Variants in CLIC5 observed in about 807,000 individuals in gnomAD.
CLIC5 encodes the protein CLIC family member 5.
Under a neutral mutation model 24.7 loss-of-function variants are expected in CLIC5, and 20 were observed. The observed-to-expected ratio is 0.81, with a 90% confidence interval of 0.57 to 1.18. The LOEUF (loss-of-function observed/expected upper bound fraction) is 1.18, where lower values mean the gene tolerates loss of function less well. Among genes scored for constraint, CLIC5 ranks in the 50% most tolerant of loss-of-function variants. The pLI, the probability that CLIC5 is intolerant of heterozygous loss-of-function variation, is 0.00. For synonymous variants in CLIC5, 159 were observed against 135.6 expected, an observed-to-expected ratio of 1.17 and a Z score of -1.20; for missense variants, 341 against 326.1, an observed-to-expected ratio of 1.05 and a Z score of -0.35.
chr6:46,104,223 A>C, the CLIC5 span, among the ~76,000 whole-genome samples: 2 of 152,324 alleles, frequency 1.3e-5, no homozygotes, highest in Admixed American at 1.3e-4. Flanking sequence ...TCTGTCAGAA[A>C]GATGGGTACT....
intron 1 of CLIC5, among the ~76,000 whole-genome samples, chr6:45,962,787 C>A (rs1043350092): frequency 6.6e-6 from 1 of 152,214 alleles, no homozygotes; most frequent in Non-Finnish European, 1.5e-5. Flanking sequence ...TCCAGTGGTG[C>A]CTTTGATGCA....
In CLIC5 at chr6:45,999,732, G is replaced by GTTTTTTTTTTTTT. The variant is rs1201850451; in HGVS notation, c.63+15735_63+15747dup. ...GTAAATCTATTTTCTCTTCCTTGTG[G>GTTTTTTTTTTTTT]TTTTTTTTTTTTTTTTTTTTTTTTG... On this transcript the variant is annotated intron_variant, in intron 1 of 5. Coordinates refer to ENST00000339561, the MANE Select transcript of CLIC5 (RefSeq NM_016929.5). Among the ~76,000 whole-genome samples, 10 of 50,848 alleles carry GTTTTTTTTTTTTT rather than the reference G, an allele frequency of 2.0e-4. 1 individual carries two copies. Among genetic ancestry groups the GTTTTTTTTTTTTT allele is most frequent in the African/African-American group, 8.6e-4 (9 of 10,450 alleles). The allele number at this position is 50,848 out of a possible 152,430, so 33.4% of individuals were successfully genotyped here. A position where few individuals can be genotyped will look rare whatever the true frequency, so the allele number is the denominator to read the frequency against.
At chr6:46,114,712 T>TAAA in the CLIC5 span, among the ~76,000 whole-genome samples, 3 of 152,136 alleles carry the variant, frequency 2.0e-5, no homozygotes, top group Non-Finnish European at 4.4e-5. Flanking sequence ...TATGAGAAAA[T>TAAA]AAATTGCTAT....
At chr6:46,109,105 A>G in the CLIC5 span, among the ~76,000 whole-genome samples, 2 of 152,186 alleles carry the variant, frequency 1.3e-5, no homozygotes, top group Admixed American at 6.5e-5. Context: ...AAATTGTTGT[A>G]TGCCACTGGA....
the CLIC5 span, among the ~76,000 whole-genome samples, chr6:46,106,829 G>A: frequency 7.4e-3 from 1,133 of 152,186 alleles, 13 homozygotes; most frequent in African/African-American, 0.025. Context: ...ACTCAGTGAG[G>A]GCTTTACCTA....
At chr6:45,984,649 T>G (rs1164356091) in intron 1 of CLIC5, among the ~76,000 whole-genome samples, 2 of 152,174 alleles carry the variant, frequency 1.3e-5, no homozygotes, top group African/African-American at 4.8e-5. Flanking sequence ...GGCAAGGCTT[T>G]CATGGTCTTC....
chr6:46,027,677 C>G (rs1404334287), intron 1 of CLIC5, among the ~76,000 whole-genome samples: 1 of 152,084 alleles, frequency 6.6e-6, no homozygotes, highest in African/African-American at 2.4e-5. Flanking sequence ...AATTAAATGC[C>G]TTTGCAAAAG....
chr6:46,057,310 G>A (rs1768286476), intron 1 of CLIC5, among the ~76,000 whole-genome samples: 1 of 152,200 alleles, frequency 6.6e-6, no homozygotes, highest in Admixed American at 6.5e-5. Context: ...CACAAAATCT[G>A]ATGGGTTTAT....
At chr6:45,911,901 C>G (rs1182749306) in intron 5 of CLIC5, 1 of 985,394 alleles carries the variant, frequency 1.0e-6, no homozygotes, top group Non-Finnish European at 1.2e-6. Flanking sequence ...GAGATGAGAA[C>G]TAGGAGGGGG....
intron 5 of CLIC5, among the ~76,000 whole-genome samples, chr6:45,904,623 TC>T (rs1311276397): frequency 2.0e-5 from 3 of 149,828 alleles, no homozygotes; most frequent in Non-Finnish European, 3.0e-5. Context: ...CACTTCTGAC[TC>T]CCCTCCCTCC....
chr6:45,998,056 GTAT>G (rs1766215347), intron 1 of CLIC5, among the ~76,000 whole-genome samples: 1 of 152,242 alleles, frequency 6.6e-6, no homozygotes, highest in Non-Finnish European at 1.5e-5. Flanking sequence ...TCATAAGACA[GTAT>G]TCTCCTTTCT....
At chr6:46,028,891 A>G (rs1358436097) in intron 1 of CLIC5, among the ~76,000 whole-genome samples, 5 of 152,158 alleles carry the variant, frequency 3.3e-5, no homozygotes, top group African/African-American at 1.2e-4. Flanking sequence ...ACAAATTTAT[A>G]ATAACATGTG....
chr6:45,915,905 C>T (rs968846814), intron 4 of CLIC5, among the ~76,000 whole-genome samples: 3 of 152,116 alleles, frequency 2.0e-5, no homozygotes, highest in Non-Finnish European at 2.9e-5. Context: ...GTGTCATCAG[C>T]CCCATCCCCA....
At chr6:46,063,064 A>G (rs1336846418) in intron 1 of CLIC5, among the ~76,000 whole-genome samples, 1 of 152,230 alleles carries the variant, frequency 6.6e-6, no homozygotes, top group African/African-American at 2.4e-5. Context: ...AAAAGACAGC[A>G]TATCTTTAAA....
intron 1 of CLIC5, among the ~76,000 whole-genome samples, chr6:46,078,918 G>T (rs2022422): frequency 6.6e-6 from 1 of 151,828 alleles, no homozygotes; most frequent in South Asian, 2.1e-4. Context: ...TTTATTGGCA[G>T]GAAAGAGCAG....
intron 1 of CLIC5, among the ~76,000 whole-genome samples, chr6:46,055,710 T>C (rs1768230184): frequency 6.6e-6 from 1 of 152,236 alleles, no homozygotes; most frequent in Non-Finnish European, 1.5e-5. Context: ...CTGGTGGCTG[T>C]CCTTTACTGA....
At chr6:46,023,845 TA>T (rs1183157567) in intron 1 of CLIC5, among the ~76,000 whole-genome samples, 1 of 150,674 alleles carries the variant, frequency 6.6e-6, no homozygotes, top group African/African-American at 2.4e-5. Context: ...AAATACTTTT[TA>T]AAAACCTTGG....
chr6:45,941,429 TA>T, intron 4 of CLIC5, 117 bp downstream of exon 4: 1 of 794,262 alleles, frequency 1.3e-6, no homozygotes, highest in Non-Finnish European at 2.2e-6. Context: ...TAATAAGCAG[TA>T]TTGGTTCCAG....
At chr6:46,104,379 G>C in the CLIC5 span, among the ~76,000 whole-genome samples, 1 of 152,144 alleles carries the variant, frequency 6.6e-6, no homozygotes, top group African/African-American at 2.4e-5. Flanking sequence ...CTGGGAACTT[G>C]AGGCCAGCAC....
Sources: gnomAD v4.1 joint callset for allele counts (sites outside exome capture counted in the v4.1 genomes callset) on GRCh38, gnomAD v4.1.1 for gene constraint, MANE v1.5 for transcripts, NCBI Gene and HGNC (gene_info 2026-07-23, HGNC 2026-07-21) for gene names.